GRM7: variants seen among roughly 807,000 people sequenced by gnomAD.
GRM7 encodes the protein metabotropic glutamate receptor 7.
Under a neutral mutation model 84.5 loss-of-function variants are expected in GRM7, and 35 were observed. The ratio of observed to expected loss-of-function variants is 0.41; its 90% CI spans 0.32 to 0.55. The LOEUF is 0.55. Ranked by LOEUF, GRM7 falls within the 20% of genes least tolerant of loss-of-function variation. The pLI, the probability that GRM7 is intolerant of heterozygous loss-of-function variation, is 0.19. For missense variants in GRM7, 1,003 were observed against 1,194.6 expected (o/e 0.84, Z 2.36); for synonymous variants, 487 against 455.1 (o/e 1.07, Z -0.89).
chr3:7,041,976 G>C (rs1370028517), intron 1 of GRM7, among the ~76,000 whole-genome samples: 1 of 152,204 alleles, frequency 6.6e-6, no homozygotes, highest in South Asian at 2.1e-4. Context: ...TGCATTCAGA[G>C]AGCTATCAGA....
intron 9 of GRM7, among the ~76,000 whole-genome samples, chr3:7,715,983 C>T (rs950447380): frequency 6.6e-6 from 1 of 152,140 alleles, no homozygotes; most frequent in Non-Finnish European, 1.5e-5. Context: ...TTCTCCTCCC[C>T]AGTGTTATTC....
intron 1 of GRM7, among the ~76,000 whole-genome samples, chr3:7,127,765 T>C (rs1693449779): frequency 6.6e-6 from 1 of 152,160 alleles, no homozygotes. Context: ...TGGTTTGGGA[T>C]ATTTTGCCTT....
At chr3:7,231,008 C>G (rs2124900013) in intron 2 of GRM7, among the ~76,000 whole-genome samples, 1 of 152,212 alleles carries the variant, frequency 6.6e-6, no homozygotes, top group Non-Finnish European at 1.5e-5. Flanking sequence ...AAACCACCTG[C>G]CCAATAGGGT....
At chr3:7,217,344 T>C (rs1696649108) in intron 2 of GRM7, among the ~76,000 whole-genome samples, 1 of 152,176 alleles carries the variant, frequency 6.6e-6, no homozygotes, top group South Asian at 2.1e-4. Context: ...TGTTATAGTT[T>C]CCCTATGGCA....
At chr3:7,450,308 A>T (rs1478971259) in intron 5 of GRM7, among the ~76,000 whole-genome samples, 3 of 152,182 alleles carry the variant, frequency 2.0e-5, no homozygotes, top group African/African-American at 7.2e-5. Context: ...GCAGGGAAAC[A>T]AACATTCAAA....
At chr3:7,072,259 C>T (rs1376730350) in intron 1 of GRM7, among the ~76,000 whole-genome samples, 1 of 152,134 alleles carries the variant, frequency 6.6e-6, no homozygotes, top group Admixed American at 6.6e-5. Flanking sequence ...CTAGAAAGGA[C>T]ATCTGTCATA....
intron 3 of GRM7, among the ~76,000 whole-genome samples, chr3:7,303,796 T>C (rs1280070714): frequency 1.3e-5 from 2 of 152,128 alleles, no homozygotes; most frequent in African/African-American, 4.8e-5. Flanking sequence ...TCTGTTTTAA[T>C]CTGGATCAGT....
intron 1 of GRM7, among the ~76,000 whole-genome samples, chr3:6,990,456 T>C (rs1226585810): frequency 6.6e-6 from 1 of 152,146 alleles, no homozygotes; most frequent in Admixed American, 6.5e-5. Flanking sequence ...TAAACCTTTT[T>C]TGTTCATTTT....
At chr3:7,734,758 C>T (rs1207213291) in intron 9 of GRM7, among the ~76,000 whole-genome samples, 1 of 152,136 alleles carries the variant, frequency 6.6e-6, no homozygotes, top group African/African-American at 2.4e-5. Flanking sequence ...GGGAATGTCT[C>T]CATTTTTTTG....
chr3:7,055,190 TC>T (rs1362247829), intron 1 of GRM7, among the ~76,000 whole-genome samples: 2 of 151,950 alleles, frequency 1.3e-5, no homozygotes, highest in African/African-American at 4.8e-5. Flanking sequence ...GGGATTTTCT[TC>T]CTTCATTTTC....
At chr3:7,268,763 G>A (rs927633627) in intron 2 of GRM7, among the ~76,000 whole-genome samples, 1 of 152,190 alleles carries the variant, frequency 6.6e-6, no homozygotes, top group African/African-American at 2.4e-5. Flanking sequence ...TGGCCAATTT[G>A]GGGATTTGGT....
At position 7,554,580 on chromosome 3, in the gene GRM7, C is replaced by T. The variant is rs148055904; in HGVS notation, c.1516-23842C>T. 1.7e-4 allele frequency among the ~76,000 whole-genome samples: 26 copies of T among 152,274 alleles called. No individual in the cohort carries two copies. The East Asian group carries it at 3.5e-3, about 20-fold the overall frequency. ...AAGTAATCCACCGCTAAATATCAGCCGCTTAGCCTAATAAAAGTTGATTTA... is the reference window on the plus strand; with the variant it reads ...AAGTAATCCACCGCTAAATATCAGCTGCTTAGCCTAATAAAAGTTGATTTA... On this transcript the variant is annotated intron_variant, in intron 7 of 9. Transcript: ENST00000357716.
chr3:7,101,595 G>A (rs558662302), intron 1 of GRM7, among the ~76,000 whole-genome samples: 193 of 151,064 alleles, frequency 1.3e-3, no homozygotes, highest in African/African-American at 2.6e-3. Context: ...TTTCTTATTA[G>A]TATATTTATT....
chr3:7,572,826 ATATATATATATATATATATATAT>A (rs1559411737), intron 7 of GRM7, among the ~76,000 whole-genome samples: 4,308 of 62,478 alleles, frequency 0.069, 652 homozygotes, highest in Non-Finnish European at 0.076. Context: ...TATCTCAAAT[ATATATATATATATATATATATAT>A]ATATATATAT....
intron 1 of GRM7, among the ~76,000 whole-genome samples, chr3:7,035,518 G>C (rs977368317): frequency 6.6e-6 from 1 of 152,120 alleles, no homozygotes; most frequent in Non-Finnish European, 1.5e-5. Context: ...GTGAGGGGTG[G>C]CTATCCGAAA....
chr3:7,071,810 G>A (rs972086534), intron 1 of GRM7, among the ~76,000 whole-genome samples: 3 of 152,054 alleles, frequency 2.0e-5, no homozygotes, highest in African/African-American at 7.2e-5. Flanking sequence ...CATTGGTGAA[G>A]TTAGTGTTGA....
intron 7 of GRM7, among the ~76,000 whole-genome samples, chr3:7,567,211 C>T (rs9311991): frequency 0.87 from 132,746 of 152,146 alleles, 58,255 homozygotes; most frequent in African/African-American, 0.97. Flanking sequence ...CCTAGAGACC[C>T]TCCTGACTGT....
At chr3:7,398,375 T>C (rs1453433263) in intron 4 of GRM7, among the ~76,000 whole-genome samples, 2 of 152,128 alleles carry the variant, frequency 1.3e-5, no homozygotes, top group Admixed American at 1.3e-4. Context: ...CTTAACTCTT[T>C]GTTATCATCA....
rs951929534 is a variant in GRM7, at chr3:7,698,078, C to G, written c.2698+17783C>G. Among the ~76,000 whole-genome samples the G allele has an allele frequency of 3.9e-5, 6 of 152,192 alleles. No homozygotes were observed. In the South Asian group the frequency reaches 6.2e-4, roughly 16 times the overall value. ...GAGATAGAGCAAGCCGTAGCTCCTC[C>G]AAGAGTTTGCAATTAAAAGGAGAAA... On this transcript the variant is annotated intron_variant, in intron 9 of 9. Transcript: ENST00000357716.
Sources: allele counts gnomAD v4.1 joint callset (sites outside exome capture counted in the v4.1 genomes callset), GRCh38; gene constraint gnomAD v4.1.1; transcripts MANE v1.5; gene names NCBI Gene and HGNC (gene_info 2026-07-23, HGNC 2026-07-21).